PTTG1IP: variants seen among roughly 807,000 people sequenced by gnomAD.
PTTG1IP encodes pituitary tumor-transforming gene 1 protein-interacting protein.
Under a neutral mutation model 24.4 loss-of-function variants are expected in PTTG1IP, and 16 were observed. The ratio of observed to expected loss-of-function variants is 0.66; its 90% CI spans 0.44 to 1.00. The LOEUF is 1.00. Ranked by LOEUF, PTTG1IP falls within the 50% of genes least tolerant of loss-of-function variation. PTTG1IP has a pLI of 0.00. For synonymous variants in PTTG1IP, 89 were observed against 96.8 expected (o/e 0.92, Z 0.47); for missense variants, 241 against 245.8 (o/e 0.98, Z 0.13).
chr21:44,856,415 C>G (rs746023536), intron 3 of PTTG1IP, 51 bp from the exon 4 acceptor site: 2 of 1,558,708 alleles, frequency 1.3e-6, no homozygotes, highest in Admixed American at 3.6e-5. Context: ...CAGAACCCAC[C>G]CAGCACAGCA....
chr21:44,873,440 CCGACCT>C, intron 1 of PTTG1IP, 56 bp downstream of exon 1: 1 of 1,251,952 alleles, frequency 8.0e-7, no homozygotes, highest in Non-Finnish European at 1.0e-6. Context: ...GACCCCGACC[CCGACCT>C]GGACCCACCA....
rs78838568 is a variant in PTTG1IP, at chr21:44,869,310, T to C, written c.116-3863A>G. ...ATGTTACATGTCCAGATTTTGATAA[T>C]TATATAAATTTCAGTTATGAAGAAG... On this transcript the variant is annotated intron_variant, in intron 1 of 5. Coordinates refer to ENST00000330938, the MANE Select transcript of PTTG1IP (RefSeq NM_004339.4). Among the ~76,000 whole-genome samples, 596 of 152,346 alleles carry C rather than the reference T, an allele frequency of 3.9e-3. 1 individual carries two copies. Among genetic ancestry groups the C allele is most frequent in the Non-Finnish European group, 7.2e-3 (493 of 68,028 alleles).
At chr21:44,873,433 C>T (rs996464515) in intron 1 of PTTG1IP, 69 bp downstream of exon 1, 1 of 1,232,836 alleles carries the variant, frequency 8.1e-7, no homozygotes. Context: ...AAACCCCGAC[C>T]CCGACCCCGA....
At chr21:44,865,715 A>G in intron 1 of PTTG1IP, 1 of 571,506 alleles carries the variant, frequency 1.7e-6, no homozygotes, top group Non-Finnish European at 3.1e-6. Context: ...TCTGGGAGAG[A>G]AGAGTGCCAA....
rs1314817725 is a variant in PTTG1IP at position 44,851,394 on chromosome 21, A to G, written c.*187T>C. 2 of 1,551,048 alleles carry G rather than the reference A, an allele frequency of 1.3e-6. No individual in the cohort carries two copies. The highest frequency in any genetic ancestry group is 2.7e-5 in the African/African-American group (2 of 73,460). ...AGAAACAGAGATGAACAGGGAATAGAAGGTCACCAGTCTGCAAGACGAGAG... is the reference window on the plus strand; with the variant it reads ...AGAAACAGAGATGAACAGGGAATAGGAGGTCACCAGTCTGCAAGACGAGAG... On this transcript the variant is annotated 3_prime_UTR_variant, in exon 6 of 6. Transcript: ENST00000330938.
At chr21:44,856,759 A>C (rs1334120735) in intron 3 of PTTG1IP, among the ~76,000 whole-genome samples, 5 of 152,248 alleles carry the variant, frequency 3.3e-5, no homozygotes. Context: ...AAACTCACAG[A>C]AATGGAGGTT....
intron 3 of PTTG1IP, 148 bp downstream of exon 3, chr21:44,861,015 G>A: frequency 1.8e-6 from 1 of 566,008 alleles, no homozygotes. Flanking sequence ...TGTTAGCCAG[G>A]ATGGTCTCAA....
Position 44,873,484 on chromosome 21 carries a change from C to T in PTTG1IP, c.115+18G>A. On this transcript the variant is annotated intron_variant, in intron 1 of 5. Transcript: ENST00000330938. ...CGCCCCGCCCCCTTCGCGGCCCCGC[C>T]CGCCCCGGCGCCCTCACCAGCTCCG... 3.6e-6 allele frequency: 5 copies of T among 1,380,796 alleles called. No homozygotes were observed. The South Asian group carries it at 4.8e-5, about 13-fold the overall frequency. 85.5% of individuals were successfully genotyped at this position (1,380,796 alleles called of 1,614,324 possible).
At chr21:44,864,911 C>A (rs1179779735) in intron 2 of PTTG1IP, among the ~76,000 whole-genome samples, 1 of 152,180 alleles carries the variant, frequency 6.6e-6, no homozygotes, top group Non-Finnish European at 1.5e-5. Flanking sequence ...CAAACCTGAG[C>A]CCCAGGTCAC....
At position 44,865,401 on chromosome 21, in the gene PTTG1IP, G is replaced by A. The variant is rs372701822; in HGVS notation, c.162C>T (p.Asn54=). ...TNKTCEECLK[N]VSCLWCNTNK... is the part of the protein sequence containing the mutation. ...TAGTCCACGTGCTACTTACGGAGAC[G>A]TTCTTCAGGCACTCTTCACAGGTTT... Residue 54 remains asparagine (N), a synonymous_variant, in exon 2 of 6, where the codon AAC becomes AAT. Transcript: ENST00000330938. 8 of 1,614,058 alleles carry A rather than the reference G, an allele frequency of 5.0e-6. No homozygotes were observed. Among genetic ancestry groups the A allele is most frequent in the Admixed American group, 1.7e-5 (1 of 60,008 alleles).
chr21:44,867,546 A>G (rs2083552004), intron 1 of PTTG1IP, among the ~76,000 whole-genome samples: 1 of 152,184 alleles, frequency 6.6e-6, no homozygotes, highest in African/African-American at 2.4e-5. Flanking sequence ...CCGTAAGAAA[A>G]ATGTATCTCA....
rs150849428 is a variant in PTTG1IP, at chr21:44,861,499, G to A, written c.169-228C>T. On this transcript the variant is annotated intron_variant, in intron 2 of 5. Coordinates refer to ENST00000330938, the MANE Select transcript of PTTG1IP (RefSeq NM_004339.4). ...CTCTCCACGGACTCATCCAAGGCCC[G>A]CGTCACTCAGGCCTCTTCCACAACT... 1.8e-4 allele frequency among the ~76,000 whole-genome samples: 27 copies of A among 152,224 alleles called. No individual in the cohort carries two copies. The East Asian group carries it at 3.1e-3, about 17-fold the overall frequency.
chr21:44,854,596 A>G (rs1352370962), intron 5 of PTTG1IP, among the ~76,000 whole-genome samples: 4 of 152,274 alleles, frequency 2.6e-5, no homozygotes, highest in Non-Finnish European at 5.9e-5. Context: ...AGCAGTGAAC[A>G]TCACGTGGTT....
At chr21:44,861,988 C>T (rs2083495519) in intron 2 of PTTG1IP, 1 of 637,964 alleles carries the variant, frequency 1.6e-6, no homozygotes, top group African/African-American at 1.8e-5. Flanking sequence ...CCTAAACTGA[C>T]AGCTGGAGAG....
intron 2 of PTTG1IP, 107 bp from the exon 3 acceptor site, chr21:44,861,378 T>A: frequency 1.1e-6 from 1 of 920,982 alleles, no homozygotes; most frequent in Non-Finnish European, 1.7e-6. Flanking sequence ...TGTGGATGGC[T>A]GTAAAGGCTC....
At chr21:44,872,581 A>C (rs2083596323) in intron 1 of PTTG1IP, among the ~76,000 whole-genome samples, 2 of 152,004 alleles carry the variant, frequency 1.3e-5, no homozygotes, top group Admixed American at 1.3e-4. Context: ...CAACCATGAC[A>C]CTCTCCAGCT....
intron 5 of PTTG1IP, among the ~76,000 whole-genome samples, chr21:44,853,019 C>T (rs2083421917): frequency 6.6e-6 from 1 of 152,212 alleles, no homozygotes; most frequent in Non-Finnish European, 1.5e-5. Flanking sequence ...GCAAGTCAAT[C>T]AGGGCCCTGA....
Position 44,856,229 on chromosome 21 carries a change from C to T in PTTG1IP, c.413G>A (p.Arg138His), listed in dbSNP as rs145408959. 16 of 1,614,070 alleles carry T rather than the reference C, an allele frequency of 9.9e-6. No individual in the cohort carries two copies. The highest frequency in any genetic ancestry group is 2.2e-5 in the East Asian group (1 of 44,892). The change falls in exon 4 of 6, where the codon CGT becomes CAT. Residue 138 changes from arginine to histidine, a missense_variant. Arg to His is a conservative substitution (Grantham distance 29, BLOSUM62 0). Transcript: ENST00000330938. The stretch of plus-strand genomic sequence containing the variant: ...CCGTATCCGCCTCTCCTCCCGCTCA[C>T]GCATGGCCTTCTCCTCACTCCTGTC... ...KPDRSEEKAM[R>H]EREERRIRQE...
intron 1 of PTTG1IP, among the ~76,000 whole-genome samples, chr21:44,872,125 G>GA (rs1439398555): frequency 6.6e-6 from 1 of 152,130 alleles, no homozygotes; most frequent in East Asian, 1.9e-4. Context: ...AGTTGCCAGT[G>GA]AATCACACAC....
Sources: allele counts gnomAD v4.1 joint callset (sites outside exome capture counted in the v4.1 genomes callset), GRCh38; gene constraint gnomAD v4.1.1; transcripts MANE v1.5; gene names NCBI Gene and HGNC (gene_info 2026-07-23, HGNC 2026-07-21).